ZSWIM6: variants seen among roughly 807,000 people sequenced by gnomAD.
ZSWIM6 encodes the protein zinc finger SWIM domain-containing protein 6.
In ZSWIM6, 9 loss-of-function variants were observed where a neutral mutation model predicts 113.2. The observed-to-expected ratio is 0.08, with a 90% confidence interval of 0.05 to 0.14. The LOEUF (loss-of-function observed/expected upper bound fraction) is 0.14, where lower values mean the gene tolerates loss of function less well. ZSWIM6 is among the 10% of genes least tolerant of loss of function. The pLI is 1.00. For missense variants in ZSWIM6, 1,162 were observed against 1,552.2 expected, an observed-to-expected ratio of 0.75 and a Z score of 4.22; for synonymous variants, 611 against 606.5, an observed-to-expected ratio of 1.01 and a Z score of -0.11.
At chr5:61,481,234 T>A (rs910060756) in intron 2 of ZSWIM6, among the ~76,000 whole-genome samples, 6 of 152,170 alleles carry the variant, frequency 3.9e-5, no homozygotes, top group Non-Finnish European at 8.8e-5. Context: ...AATAGCTCCA[T>A]GCACCAGACA....
At chr5:61,403,611 C>T (rs1458781426) in intron 1 of ZSWIM6, among the ~76,000 whole-genome samples, 3 of 152,182 alleles carry the variant, frequency 2.0e-5, no homozygotes, top group African/African-American at 7.2e-5. Context: ...AACACTTTGT[C>T]TTCAGATTTA....
At chr5:61,509,358 C>CT (rs1256494280) in intron 4 of ZSWIM6, among the ~76,000 whole-genome samples, 4 of 152,094 alleles carry the variant, frequency 2.6e-5, no homozygotes, top group Non-Finnish European at 5.9e-5. Flanking sequence ...GGCATTAAAA[C>CT]TAAAATGGCA....
chr5:61,400,272 G>A (rs1167005207), intron 1 of ZSWIM6, among the ~76,000 whole-genome samples: 1 of 152,120 alleles, frequency 6.6e-6, no homozygotes, highest in Non-Finnish European at 1.5e-5. Flanking sequence ...AATTATGTCA[G>A]TTCTCTTTCC....
intron 1 of ZSWIM6, 39 bp downstream of exon 1, chr5:61,332,987 T>A: frequency 2.6e-6 from 1 of 378,404 alleles, no homozygotes; most frequent in Non-Finnish European, 3.9e-6. Context: ...TGTCCGTCCG[T>A]CAGTCCCTGG....
intron 1 of ZSWIM6, among the ~76,000 whole-genome samples, chr5:61,417,771 A>C (rs1268541196): frequency 6.6e-6 from 1 of 152,226 alleles, no homozygotes; most frequent in Non-Finnish European, 1.5e-5. Flanking sequence ...GATATACTCA[A>C]GAGTTTTGGA....
chr5:61,376,889 A>G (rs980212767), intron 1 of ZSWIM6, among the ~76,000 whole-genome samples: 1 of 151,238 alleles, frequency 6.6e-6, no homozygotes, highest in Non-Finnish European at 1.5e-5. Context: ...ACTTGCCAAG[A>G]TATTTAGCAT....
intron 1 of ZSWIM6, among the ~76,000 whole-genome samples, chr5:61,458,738 C>T (rs1279771001): frequency 6.6e-6 from 1 of 151,954 alleles, no homozygotes; most frequent in Non-Finnish European, 1.5e-5. Flanking sequence ...ATTAGCTGGG[C>T]ATGGTGGCAG....
chr5:61,410,378 C>T (rs149666189), intron 1 of ZSWIM6, among the ~76,000 whole-genome samples: 155 of 147,804 alleles, frequency 1.0e-3, no homozygotes, highest in African/African-American at 3.7e-3. Context: ...GGTGCGATCT[C>T]GGCTCACTGC....
In ZSWIM6 at chr5:61,332,791, TGCC is replaced by T. The variant is rs1262946696; in HGVS notation, c.549_551del (p.Ala184del). 0.019 allele frequency: 13,518 copies of T among 694,082 alleles called. 21 individuals carry two copies. The highest frequency in any genetic ancestry group is 0.056 in the South Asian group (766 of 13,564). The allele number at this position is 694,082 out of a possible 1,614,324, so 43.0% of individuals were successfully genotyped here. ...CCGCAACCTCGGCCGCCGCCGCCGC[TGCC>T]GCCGCCGCCGCCGCCGCCGCCGCCG... On this transcript the variant is annotated inframe_deletion, in exon 1 of 14. Coordinates refer to ENST00000252744, the MANE Select transcript of ZSWIM6 (RefSeq NM_020928.2).
chr5:61,383,486 T>C (rs1356256773), intron 1 of ZSWIM6, among the ~76,000 whole-genome samples: 1 of 152,156 alleles, frequency 6.6e-6, no homozygotes, highest in Non-Finnish European at 1.5e-5. Flanking sequence ...TAAATAACAA[T>C]ATTTGTTAAT....
intron 1 of ZSWIM6, among the ~76,000 whole-genome samples, chr5:61,438,205 G>A (rs1241580656): frequency 3.3e-5 from 5 of 152,028 alleles, no homozygotes; most frequent in African/African-American, 1.2e-4. Context: ...CTTTAATATG[G>A]AATGAATTGC....
chr5:61,466,076 T>C (rs1747428825), intron 1 of ZSWIM6, among the ~76,000 whole-genome samples: 3 of 152,178 alleles, frequency 2.0e-5, no homozygotes, highest in African/African-American at 7.2e-5. Flanking sequence ...CTTGGGCCCT[T>C]ATGTTGTTTG....
At chr5:61,422,883 T>C (rs1010387763) in intron 1 of ZSWIM6, among the ~76,000 whole-genome samples, 7 of 152,216 alleles carry the variant, frequency 4.6e-5, no homozygotes, top group African/African-American at 1.4e-4. Flanking sequence ...AAAATGCTAC[T>C]GATTTTTGTA....
At chr5:61,353,616 CT>C (rs1744835220) in intron 1 of ZSWIM6, among the ~76,000 whole-genome samples, 1 of 152,138 alleles carries the variant, frequency 6.6e-6, no homozygotes. Flanking sequence ...TTATTTTTTT[CT>C]CTTTGATAAG....
At chr5:61,377,818 C>A (rs1745402898) in intron 1 of ZSWIM6, among the ~76,000 whole-genome samples, 1 of 151,040 alleles carries the variant, frequency 6.6e-6, no homozygotes, top group Non-Finnish European at 1.5e-5. Flanking sequence ...TGTCAACAAA[C>A]CAATAAAAAG....
intron 2 of ZSWIM6, among the ~76,000 whole-genome samples, chr5:61,480,291 G>A (rs1747821978): frequency 6.6e-6 from 1 of 152,176 alleles, no homozygotes; most frequent in Non-Finnish European, 1.5e-5. Flanking sequence ...TCAGAAGAGA[G>A]GAAAATAATA....
chr5:61,398,359 T>G (rs1394678072), intron 1 of ZSWIM6, among the ~76,000 whole-genome samples: 5 of 152,216 alleles, frequency 3.3e-5, no homozygotes, highest in African/African-American at 1.2e-4. Context: ...CCTGATGATC[T>G]GAGGTGGAAC....
chr5:61,456,496 C>T (rs1747208030), intron 1 of ZSWIM6, among the ~76,000 whole-genome samples: 1 of 152,204 alleles, frequency 6.6e-6, no homozygotes, highest in Admixed American at 6.5e-5. Flanking sequence ...AGAGTAACTG[C>T]AGATGTCCCC....
chr5:61,516,593 C>G (rs1748950410), intron 4 of ZSWIM6, among the ~76,000 whole-genome samples: 1 of 149,418 alleles, frequency 6.7e-6, no homozygotes, highest in Non-Finnish European at 1.5e-5. Flanking sequence ...TTTACTCTCC[C>G]TTTTTTATGT....
Sources: allele counts gnomAD v4.1 joint callset (sites outside exome capture counted in the v4.1 genomes callset), GRCh38; gene constraint gnomAD v4.1.1; transcripts MANE v1.5; gene names NCBI Gene and HGNC (gene_info 2026-07-23, HGNC 2026-07-21).